The following TRPC4 variants were observed in gnomAD, a reference collection of about 807,000 sequenced individuals.
TRPC4 encodes the protein short transient receptor potential channel 4.
In TRPC4, 49 loss-of-function variants were observed where a neutral mutation model predicts 99.4. The ratio of observed to expected loss-of-function variants is 0.49; its 90% confidence interval spans 0.39 to 0.63. The LOEUF is 0.63. TRPC4 is among the 20% of genes least tolerant of loss of function. The probability of loss-of-function intolerance (pLI) is 0.00; values close to 1 mark genes in which losing one functional copy is unlikely to be tolerated. For synonymous variants in TRPC4, 454 were observed against 425.9 expected, an observed-to-expected ratio of 1.07 and a Z score of -0.81; for missense variants, 898 against 1,152.9, an observed-to-expected ratio of 0.78 and a Z score of 3.20.
intron 3 of TRPC4, among the ~76,000 whole-genome samples, chr13:37,695,863 G>C (rs1286227453): frequency 6.6e-6 from 1 of 151,852 alleles, no homozygotes; most frequent in African/African-American, 2.4e-5. Context: ...TTAACTACTC[G>C]AAACATGAAA....
intron 3 of TRPC4, among the ~76,000 whole-genome samples, chr13:37,697,686 T>C (rs538008719): frequency 2.6e-5 from 4 of 152,276 alleles, no homozygotes; most frequent in African/African-American, 9.6e-5. Context: ...TCCAGTAACA[T>C]TGAAATCAAC....
chr13:37,785,894 A>G (rs950186029), intron 1 of TRPC4, among the ~76,000 whole-genome samples: 1 of 152,106 alleles, frequency 6.6e-6, no homozygotes, highest in African/African-American at 2.4e-5. Flanking sequence ...TATTTCATTT[A>G]ATCCAGATAA....
rs546969779 is a variant in TRPC4 at position 37,764,951 on chromosome 13, AT to A, written c.378+18004del. On this transcript the variant is annotated intron_variant, in intron 2 of 10. Transcript: ENST00000379705. ...TTATATTTTTGAGTGAGATGAGCATATTTTTTTTCTTTCTCATGTTGTCCTC... is the reference window on the plus strand; with the variant it reads ...TTATATTTTTGAGTGAGATGAGCATATTTTTTTCTTTCTCATGTTGTCCTC... Among the ~76,000 whole-genome samples, 203 of 149,004 alleles carry A rather than the reference AT, an allele frequency of 1.4e-3. 1 individual carries two copies. Among genetic ancestry groups the A allele is most frequent in the Non-Finnish European group, 2.7e-3 (181 of 66,898 alleles).
At chr13:37,669,956 G>A (rs1952780046) in intron 5 of TRPC4, among the ~76,000 whole-genome samples, 1 of 152,070 alleles carries the variant, frequency 6.6e-6, no homozygotes, top group South Asian at 2.1e-4. Context: ...GGTATTTTTG[G>A]GAGGTAATTA....
chr13:37,709,481 T>A (rs1593559165), intron 3 of TRPC4, among the ~76,000 whole-genome samples: 1 of 152,064 alleles, frequency 6.6e-6, no homozygotes, highest in East Asian at 1.9e-4. Flanking sequence ...CACAATTTTA[T>A]ATTTGAAACA....
chr13:37,814,190 G>A (rs1202174759), intron 1 of TRPC4, among the ~76,000 whole-genome samples: 1 of 151,732 alleles, frequency 6.6e-6, no homozygotes. Context: ...ATCTTGTAAA[G>A]GACATCTAGG....
intron 3 of TRPC4, among the ~76,000 whole-genome samples, chr13:37,696,646 A>C (rs1953913767): frequency 6.6e-6 from 1 of 152,176 alleles, no homozygotes; most frequent in South Asian, 2.1e-4. Flanking sequence ...GAGAGTTGAA[A>C]CTTTGGATTG....
At chr13:37,641,731 G>A (rs1475094247) in intron 8 of TRPC4, among the ~76,000 whole-genome samples, 1 of 152,228 alleles carries the variant, frequency 6.6e-6, no homozygotes. Context: ...TGGGTTTGAA[G>A]CTGACTGTGC....
At chr13:37,868,147 T>C (rs755239132) in intron 1 of TRPC4, among the ~76,000 whole-genome samples, 50 of 152,228 alleles carry the variant, frequency 3.3e-4, no homozygotes, top group Non-Finnish European at 5.3e-4. Context: ...CAGTTTTATC[T>C]TGACCTTTTG....
Position 37,637,516 on chromosome 13 carries a change from G to C in TRPC4, c.2321C>G (p.Ser774Trp). The C allele has an allele frequency of 6.2e-7, 1 of 1,613,724 alleles. No homozygotes were observed. The highest frequency in any genetic ancestry group is 8.5e-7 in the Non-Finnish European group (1 of 1,179,780). The change falls in exon 11 of 11, where the codon TCG becomes TGG. Residue 774 changes from serine to tryptophan, a missense_variant. Physicochemically the swap from Ser to Trp is radical, Grantham distance 177. Transcript: ENST00000379705. ...SANASKESSN[S>W]ADSDEKSDSE... ...ATCACTCTTTTCATCTGAGTCTGCC[G>C]AATTTGAAGACTCCTTCGAGGCATT... is the stretch of plus-strand genomic sequence containing the variant.
intron 2 of TRPC4, among the ~76,000 whole-genome samples, chr13:37,766,780 G>T (rs1312872383): frequency 6.6e-6 from 1 of 151,376 alleles, no homozygotes; most frequent in East Asian, 1.9e-4. Context: ...CACATCATTC[G>T]CTAGCTTCAC....
intron 2 of TRPC4, among the ~76,000 whole-genome samples, chr13:37,759,268 A>T (rs1956166567): frequency 6.6e-6 from 1 of 151,862 alleles, no homozygotes; most frequent in Admixed American, 6.6e-5. Flanking sequence ...AACAAATTTG[A>T]GATGGGGTAA....
intron 2 of TRPC4, among the ~76,000 whole-genome samples, chr13:37,749,226 C>A (rs59800830): frequency 0.016 from 2,431 of 152,166 alleles, 69 homozygotes; most frequent in African/African-American, 0.056. Flanking sequence ...AACTGTGAGT[C>A]AATTAAGCCT....
In TRPC4 at chr13:37,637,060, C is replaced by T; in HGVS notation, c.2777G>A (p.Arg926Lys). Residue 926 changes from arginine (R) to lysine (K), a missense_variant, in exon 11 of 11, where the codon AGA becomes AAA. Physicochemically the swap from Arg to Lys is conservative, Grantham distance 26. Transcript: ENST00000379705. ...TDTLGLQVGK[R>K]VCPFKSEKVV... is the part of the protein sequence containing the mutation. ...CTTCTCTGACTTGAATGGACACACT[C>T]TCTTTCCTACCTGTAACCCCAGTGT... 1 of 1,613,826 alleles carries T rather than the reference C, an allele frequency of 6.2e-7. No individual in the cohort carries two copies. The highest frequency in any genetic ancestry group is 8.5e-7 in the Non-Finnish European group (1 of 1,179,814).
At chr13:37,678,033 C>A (rs1953117450) in intron 4 of TRPC4, among the ~76,000 whole-genome samples, 2 of 151,924 alleles carry the variant, frequency 1.3e-5, no homozygotes, top group South Asian at 4.2e-4. Context: ...TCTTTCGGCT[C>A]AAATAGGAAT....
intron 3 of TRPC4, among the ~76,000 whole-genome samples, chr13:37,727,144 T>C (rs1011480821): frequency 5.9e-5 from 9 of 152,074 alleles, no homozygotes; most frequent in Non-Finnish European, 1.2e-4. Flanking sequence ...TTTTCTCCAG[T>C]GAACATGGGA....
chr13:37,718,941 CA>C (rs1954770426), intron 3 of TRPC4, among the ~76,000 whole-genome samples: 1 of 151,782 alleles, frequency 6.6e-6, no homozygotes, highest in Admixed American at 6.6e-5. Flanking sequence ...AAACCTCAAA[CA>C]GAATAACAAT....
chr13:37,810,768 A>T (rs1957661255), intron 1 of TRPC4, among the ~76,000 whole-genome samples: 1 of 152,054 alleles, frequency 6.6e-6, no homozygotes, highest in Non-Finnish European at 1.5e-5. Context: ...ACATTCATAC[A>T]TATTTAATTA....
At chr13:37,662,151 A>C (rs1046471583) in intron 6 of TRPC4, among the ~76,000 whole-genome samples, 2 of 152,026 alleles carry the variant, frequency 1.3e-5, no homozygotes, top group African/African-American at 4.8e-5. Flanking sequence ...CTCTACTAAA[A>C]ATACAAAAAT....
Sources: gnomAD v4.1 joint callset for allele counts (sites outside exome capture counted in the v4.1 genomes callset) on GRCh38, gnomAD v4.1.1 for gene constraint, MANE v1.5 for transcripts, NCBI Gene and HGNC (gene_info 2026-07-23, HGNC 2026-07-21) for gene names.